The following CCDC93 variants were observed in gnomAD, a reference collection of about 807,000 sequenced individuals.
CCDC93 encodes CCC complex scaffolding subunit CCDC93, also known as coiled-coil domain-containing protein 93.
CCDC93 carries 61 observed loss-of-function variants against 108.2 expected under a neutral mutation model. The observed-to-expected ratio is 0.56, with a 90% CI of 0.46 to 0.70. The LOEUF is 0.70. Among genes scored for constraint, CCDC93 ranks in the 30% least tolerant of loss-of-function variants. The pLI is 0.00. For missense variants in CCDC93, 685 were observed against 764.2 expected (o/e 0.90, Z 1.22); for synonymous variants, 276 against 260.4 (o/e 1.06, Z -0.58).
intron 7 of CCDC93, among the ~76,000 whole-genome samples, chr2:117,979,286 C>T (rs1011171862): frequency 6.6e-6 from 1 of 152,162 alleles, no homozygotes; most frequent in Admixed American, 6.5e-5. Flanking sequence ...TTCTGTGTTC[C>T]TATTACACTT....
chr2:117,968,585 G>A (rs948565455), intron 11 of CCDC93, among the ~76,000 whole-genome samples: 6 of 152,154 alleles, frequency 3.9e-5, no homozygotes, highest in Non-Finnish European at 7.3e-5. Context: ...GGAACTTTGA[G>A]ATACATGTTA....
intron 3 of CCDC93, among the ~76,000 whole-genome samples, chr2:118,005,611 G>T (rs550881350): frequency 1.7e-4 from 26 of 152,186 alleles, no homozygotes; most frequent in African/African-American, 5.8e-4. Flanking sequence ...TTAAAAATTA[G>T]CTGGGCGTGG....
At chr2:117,999,658 T>G (rs532737687) in intron 4 of CCDC93, among the ~76,000 whole-genome samples, 109 of 152,256 alleles carry the variant, frequency 7.2e-4, no homozygotes, top group Non-Finnish European at 1.1e-3. Flanking sequence ...CCACAGATGC[T>G]CAAGTCCCTG....
intron 20 of CCDC93, among the ~76,000 whole-genome samples, chr2:117,938,306 T>C (rs1231611529): frequency 2.6e-5 from 4 of 152,214 alleles, no homozygotes; most frequent in Non-Finnish European, 1.5e-5. Flanking sequence ...AGACCAGGAC[T>C]GTTCTCTTTT....
chr2:118,001,571 T>C (rs1676688127), intron 3 of CCDC93, among the ~76,000 whole-genome samples: 1 of 152,232 alleles, frequency 6.6e-6, no homozygotes, highest in South Asian at 2.1e-4. Context: ...TTTCTGCTTC[T>C]TATAAGGGAC....
At chr2:117,923,213 G>A (rs772170075) in intron 23 of CCDC93, among the ~76,000 whole-genome samples, 1 of 152,172 alleles carries the variant, frequency 6.6e-6, no homozygotes, top group Non-Finnish European at 1.5e-5. Flanking sequence ...GGTGATGTCT[G>A]CATTTCCAAC....
At chr2:117,960,974 C>T (rs1240842105) in intron 11 of CCDC93, among the ~76,000 whole-genome samples, 1 of 152,082 alleles carries the variant, frequency 6.6e-6, no homozygotes, top group Non-Finnish European at 1.5e-5. Context: ...AATTAAAATA[C>T]ACAAGCTATT....
At chr2:117,945,508 C>T (rs747748987) in intron 17 of CCDC93, 21 bp downstream of exon 17, 1 of 1,611,018 alleles carries the variant, frequency 6.2e-7, no homozygotes, top group East Asian at 2.2e-5. Context: ...CAATGCCAGT[C>T]CTGAGCAGGC....
intron 23 of CCDC93, among the ~76,000 whole-genome samples, chr2:117,929,045 T>C (rs1678228999): frequency 6.6e-6 from 1 of 151,294 alleles, no homozygotes; most frequent in South Asian, 2.1e-4. Context: ...TCACTCATAG[T>C]TGGGAATTGA....
Position 117,919,721 on chromosome 2 carries a change from C to G in CCDC93, c.*622G>C, listed in dbSNP as rs570402092. 1.3e-5 allele frequency: 2 copies of G among 152,334 alleles called. No homozygotes were observed. Among genetic ancestry groups the G allele is most frequent in the South Asian group, 4.1e-4 (2 of 4,826 alleles). The allele number at this position is 152,334 out of a possible 1,614,324, so 9.4% of individuals were successfully genotyped here. A position where few individuals can be genotyped will look rare whatever the true frequency, so the allele number is the denominator to read the frequency against. On this transcript the variant is annotated 3_prime_UTR_variant, in exon 24 of 24. Transcript: ENST00000376300. ...TGAACTTTCGTTCCAGTTGCTGTCA[C>G]CACCAAGCCTGCTGGCTGGCACCTG...
intron 20 of CCDC93, among the ~76,000 whole-genome samples, chr2:117,938,329 A>C (rs975700461): frequency 6.6e-6 from 1 of 152,178 alleles, no homozygotes; most frequent in South Asian, 2.1e-4. Context: ...AAATTAAGAC[A>C]TATCTGCATA....
intron 6 of CCDC93, among the ~76,000 whole-genome samples, chr2:117,993,449 A>C (rs1426892851): frequency 1.3e-5 from 2 of 151,850 alleles, no homozygotes; most frequent in Non-Finnish European, 2.9e-5. Context: ...AAAAAAAAAA[A>C]CAAAAAACAC....
At position 117,977,470 on chromosome 2, in the gene CCDC93, G is replaced by C. The variant is rs76887109; in HGVS notation, c.657+524C>G. On this transcript the variant is annotated intron_variant, in intron 8 of 23. Transcript: ENST00000376300. ...AAGAGTTTAGCACCATAACATTTAT[G>C]TACCTGTCCTGCTGCTGACAATGAA... Among the ~76,000 whole-genome samples the C allele has an allele frequency of 3.1e-3, 479 of 152,310 alleles. 5 individuals are homozygous for C. The highest frequency in any genetic ancestry group is 0.011 in the African/African-American group (458 of 41,566).
intron 16 of CCDC93, 82 bp downstream of exon 16, chr2:117,946,729 C>T (rs997365881): frequency 8.8e-6 from 8 of 906,506 alleles, no homozygotes; most frequent in Middle Eastern, 2.2e-4. Flanking sequence ...TTAGCAACAG[C>T]GGTCTGCTCT....
At chr2:117,923,614 C>G (rs184363488) in intron 23 of CCDC93, among the ~76,000 whole-genome samples, 1 of 152,168 alleles carries the variant, frequency 6.6e-6, no homozygotes, top group Non-Finnish European at 1.5e-5. Context: ...ACAAAGCAGC[C>G]GAGAAGCTCA....
At chr2:117,967,602 C>T (rs916195650) in intron 11 of CCDC93, among the ~76,000 whole-genome samples, 1 of 152,232 alleles carries the variant, frequency 6.6e-6, no homozygotes, top group Non-Finnish European at 1.5e-5. Context: ...GTCCCTGCTT[C>T]TCCCTAAGGA....
At position 117,916,570 on chromosome 2, in the gene CCDC93, A is replaced by T. The variant is rs1299870548; in HGVS notation, c.*3773T>A. 1 of 152,250 alleles carries T rather than the reference A, an allele frequency of 6.6e-6. No homozygotes were observed. The highest frequency in any genetic ancestry group is 2.4e-5 in the African/African-American group (1 of 41,466). The allele number at this position is 152,250 out of a possible 1,614,324, so 9.4% of individuals were successfully genotyped here. ...CCATTTTATCCAACCGGAATTTCCCAGTCAGTCATCTACCTTGAGCTAGAT... is the reference window on the plus strand; with the variant it reads ...CCATTTTATCCAACCGGAATTTCCCTGTCAGTCATCTACCTTGAGCTAGAT... On this transcript the variant is annotated 3_prime_UTR_variant, in exon 24 of 24. Coordinates refer to ENST00000376300, the MANE Select transcript of CCDC93 (RefSeq NM_019044.5).
intron 6 of CCDC93, among the ~76,000 whole-genome samples, chr2:117,987,034 TA>T (rs34625797): frequency 0.62 from 79,216 of 127,682 alleles, 24,397 homozygotes; most frequent in East Asian, 0.86. Flanking sequence ...ATTCTTCTAT[TA>T]AAAAAAAAAA....
Position 118,000,871 on chromosome 2 carries a change from G to A in CCDC93, c.313C>T (p.Pro105Ser). The change falls in exon 4 of 24, where the codon CCC becomes TCC. Residue 105 changes from proline (P) to serine (S), a missense_variant. Pro to Ser is a moderately conservative substitution (Grantham distance 74, BLOSUM62 -1). Coordinates refer to ENST00000376300, the MANE Select transcript of CCDC93 (RefSeq NM_019044.5). Reference sequence around the variant, plus strand: ...AAATCCATCCCCTGGATCTGGTGGGGCTCCAGCTGGTGTGGGCATTTCATC... The same window carrying A: ...AAATCCATCCCCTGGATCTGGTGGGACTCCAGCTGGTGTGGGCATTTCATC... Reference protein sequence around the residue: ...PRMKCPHQLEPHQIQGMDFIH... With the variant: ...PRMKCPHQLESHQIQGMDFIH... The A allele has an allele frequency of 6.2e-7, 1 of 1,613,748 alleles. No individual in the cohort carries two copies. The highest frequency in any genetic ancestry group is 8.5e-7 in the Non-Finnish European group (1 of 1,179,748).
Sources: gnomAD v4.1 joint callset for allele counts (sites outside exome capture counted in the v4.1 genomes callset) on GRCh38, gnomAD v4.1.1 for gene constraint, MANE v1.5 for transcripts, NCBI Gene and HGNC (gene_info 2026-07-23, HGNC 2026-07-21) for gene names.